EYS: variants seen among roughly 807,000 people sequenced by gnomAD.
EYS encodes the protein EGF-like photoreceptor maintenance factor.
Under a neutral mutation model 282.1 loss-of-function variants are expected in EYS, and 250 were observed. That is an observed-to-expected ratio of 0.89 (90% CI 0.80 to 0.98). EYS has a LOEUF of 0.98. Ranked by LOEUF, EYS falls within the 50% of genes least tolerant of loss-of-function variation. The pLI, the probability that EYS is intolerant of heterozygous loss-of-function variation, is 0.00. For synonymous variants in EYS, 1,355 were observed against 1,282.9 expected, an observed-to-expected ratio of 1.06 and a Z score of -1.20; for missense variants, 4,016 against 3,709.0, an observed-to-expected ratio of 1.08 and a Z score of -2.15.
chr6:64,535,207 AC>A (rs1379864337), intron 26 of EYS, among the ~76,000 whole-genome samples: 1 of 152,186 alleles, frequency 6.6e-6, no homozygotes, highest in African/African-American at 2.4e-5. Flanking sequence ...CCGATATTGA[AC>A]AAAAATTCTT....
chr6:65,443,070 T>C (rs1214587128), intron 5 of EYS, among the ~76,000 whole-genome samples: 1 of 151,716 alleles, frequency 6.6e-6, no homozygotes, highest in Non-Finnish European at 1.5e-5. Context: ...ATATGTGATA[T>C]GTATGTGTCT....
At chr6:63,897,782 A>C (rs1404362288) in intron 35 of EYS, among the ~76,000 whole-genome samples, 1 of 152,158 alleles carries the variant, frequency 6.6e-6, no homozygotes, top group Non-Finnish European at 1.5e-5. Flanking sequence ...GACTTTGAAA[A>C]CTTTGGAGTA....
intron 5 of EYS, among the ~76,000 whole-genome samples, chr6:65,457,980 G>A (rs1236507103): frequency 1.3e-5 from 2 of 151,960 alleles, no homozygotes; most frequent in Non-Finnish European, 2.9e-5. Context: ...TCATATCCAG[G>A]GAGAACCAGG....
intron 5 of EYS, among the ~76,000 whole-genome samples, chr6:65,443,787 C>G (rs898318706): frequency 2.0e-5 from 3 of 151,230 alleles, no homozygotes; most frequent in Admixed American, 2.0e-4. Context: ...TATATAGTTA[C>G]ATATACATTA....
chr6:65,389,326 A>T (rs1157217), intron 7 of EYS, among the ~76,000 whole-genome samples: 62,765 of 151,894 alleles, frequency 0.41, 13,969 homozygotes, highest in South Asian at 0.5. Context: ...GAGCAGTTAG[A>T]CTGGACTCAT....
intron 26 of EYS, among the ~76,000 whole-genome samples, chr6:64,556,300 A>G (rs903315572): frequency 6.6e-6 from 1 of 152,028 alleles, no homozygotes; most frequent in Non-Finnish European, 1.5e-5. Context: ...TTAACAATCA[A>G]AATGAATGAA....
At chr6:65,270,015 C>A (rs751694401) in intron 12 of EYS, among the ~76,000 whole-genome samples, 4 of 152,146 alleles carry the variant, frequency 2.6e-5, no homozygotes, top group Non-Finnish European at 5.9e-5. Flanking sequence ...AGCATCACCT[C>A]TAAAGTTTAA....
intron 26 of EYS, among the ~76,000 whole-genome samples, chr6:64,450,614 A>T (rs965736307): frequency 2.0e-4 from 31 of 152,156 alleles, no homozygotes; most frequent in African/African-American, 7.0e-4. Context: ...GAAGTAAAGC[A>T]CCCCTCAGCA....
intron 39 of EYS, among the ~76,000 whole-genome samples, chr6:63,780,394 T>C (rs1192934591): frequency 2.6e-5 from 4 of 152,144 alleles, no homozygotes; most frequent in Non-Finnish European, 5.9e-5. Context: ...TTTCTCCACA[T>C]CCTCTCCAGC....
At chr6:65,170,696 GCA>G (rs1196595087) in intron 12 of EYS, among the ~76,000 whole-genome samples, 3 of 151,306 alleles carry the variant, frequency 2.0e-5, no homozygotes, top group Non-Finnish European at 4.4e-5. Context: ...ACCTGAGGAA[GCA>G]CAGTTACATT....
chr6:65,478,599 T>C (rs1451458867), intron 5 of EYS, among the ~76,000 whole-genome samples: 1 of 152,162 alleles, frequency 6.6e-6, no homozygotes, highest in Non-Finnish European at 1.5e-5. Flanking sequence ...TTAGTGAATT[T>C]CATTTTTAAA....
At chr6:64,057,390 T>A (rs1403335156) in intron 33 of EYS, among the ~76,000 whole-genome samples, 5 of 151,844 alleles carry the variant, frequency 3.3e-5, no homozygotes, top group African/African-American at 7.3e-5. Context: ...TTTTTTTTTT[T>A]TTTTAAAAAT....
chr6:63,998,219 A>C (rs1767923099), intron 34 of EYS, among the ~76,000 whole-genome samples: 1 of 152,144 alleles, frequency 6.6e-6, no homozygotes, highest in Non-Finnish European at 1.5e-5. Context: ...CAGCTGTAGA[A>C]AAGAGATAAT....
chr6:63,989,521 A>G lies in EYS; in HGVS notation c.6835-4918T>C, dbSNP rs559749752. 4.3e-4 allele frequency among the ~76,000 whole-genome samples: 66 copies of G among 151,774 alleles called. 1 individual carries two copies. In the South Asian group the frequency reaches 0.013, roughly 30 times the overall value. On this transcript the variant is annotated intron_variant, in intron 34 of 42. Coordinates refer to ENST00000503581, the MANE Select transcript of EYS (RefSeq NM_001142800.2). ...TCTTACTTTTCCCTAAAGTATAATA[A>G]TCTGTGAGCATATGATATCTTCTAT...
intron 29 of EYS, among the ~76,000 whole-genome samples, chr6:64,325,312 A>T (rs1358903322): frequency 1.3e-5 from 2 of 152,204 alleles, no homozygotes; most frequent in Non-Finnish European, 2.9e-5. Context: ...CAGAAGAGAG[A>T]TAACAATCAT....
chr6:65,064,986 C>A (rs1016233616), intron 12 of EYS, among the ~76,000 whole-genome samples: 6 of 152,076 alleles, frequency 3.9e-5, no homozygotes, highest in African/African-American at 1.2e-4. Context: ...GAGCTCACTG[C>A]AAACACAGAC....
chr6:65,154,657 T>C (rs78767385), intron 12 of EYS, among the ~76,000 whole-genome samples: 5,007 of 151,742 alleles, frequency 0.033, 206 homozygotes, highest in African/African-American at 0.1. Flanking sequence ...ATACTTAGGA[T>C]AATCTTTGAG....
intron 40 of EYS, among the ~76,000 whole-genome samples, chr6:63,771,852 G>A (rs1033176479): frequency 6.6e-6 from 1 of 152,136 alleles, no homozygotes; most frequent in Admixed American, 6.6e-5. Flanking sequence ...TTCTGACTAT[G>A]GAAAGATAAT....
intron 22 of EYS, among the ~76,000 whole-genome samples, chr6:64,659,267 C>A (rs1294394284): frequency 6.6e-6 from 1 of 151,960 alleles, no homozygotes; most frequent in African/African-American, 2.4e-5. Flanking sequence ...GCACTAAATG[C>A]CCACAAGAGA....
Sources: allele counts gnomAD v4.1 joint callset (sites outside exome capture counted in the v4.1 genomes callset), GRCh38; gene constraint gnomAD v4.1.1; transcripts MANE v1.5; gene names NCBI Gene and HGNC (gene_info 2026-07-23, HGNC 2026-07-21).